The following NID1 variants were observed in gnomAD, a reference collection of about 807,000 sequenced individuals.
NID1 encodes nidogen 1, also known as nidogen-1.
In NID1, 76 loss-of-function variants were observed where a neutral mutation model predicts 130.6. The observed-to-expected ratio is 0.58, with a 90% CI of 0.48 to 0.70. The LOEUF (loss-of-function observed/expected upper bound fraction) is 0.70, where lower values mean the gene tolerates loss of function less well. NID1 is among the 30% of genes least tolerant of loss of function. The probability of loss-of-function intolerance (pLI) is 0.00; values close to 1 mark genes in which losing one functional copy is unlikely to be tolerated. For synonymous variants in NID1, 665 were observed against 675.1 expected (o/e 0.98, Z 0.23); for missense variants, 1,517 against 1,664.8 (o/e 0.91, Z 1.54).
rs560261274 is a variant in NID1, at chr1:236,038,121, C to T, written c.1268G>A (p.Arg423Lys). 1.1e-4 allele frequency: 177 copies of T among 1,600,404 alleles called. 3 individuals are homozygous for T. The South Asian group carries it at 1.4e-3, about 12-fold the overall frequency. ...CAAATTACCTTCTGCAACACATTGC[C>T]TGCCATTGCCCGTATAGCCAGCGAC... Reference protein sequence around the residue: ...SCVAGYTGNGRQCVAEGSPQR... With the variant: ...SCVAGYTGNGKQCVAEGSPQR... Residue 423 changes from arginine (R) to lysine (K), a missense_variant, in exon 5 of 20, where the codon AGG (arginine) becomes AAG (lysine). Arg to Lys is a conservative substitution (Grantham distance 26, BLOSUM62 2). Transcript: ENST00000264187.
At chr1:235,996,559 A>G (rs973558561) in intron 12 of NID1, among the ~76,000 whole-genome samples, 25 of 151,768 alleles carry the variant, frequency 1.6e-4, no homozygotes, top group African/African-American at 6.1e-4. Context: ...CTCCCACCTC[A>G]GCCTCCTGAG....
chr1:235,983,597 C>T (rs547542652), intron 15 of NID1, among the ~76,000 whole-genome samples: 2 of 152,236 alleles, frequency 1.3e-5, no homozygotes, highest in Admixed American at 6.5e-5. Flanking sequence ...TTGCGAGGCA[C>T]CTGGAGGAAG....
intron 12 of NID1, among the ~76,000 whole-genome samples, chr1:236,010,452 C>T (rs1658375209): frequency 6.6e-6 from 1 of 152,020 alleles, no homozygotes; most frequent in Non-Finnish European, 1.5e-5. Flanking sequence ...TGTGCCACAC[C>T]ACACCCAGCT....
At position 235,993,887 on chromosome 1, in the gene NID1, G is replaced by C. The variant is rs1213860460; in HGVS notation, c.2528-15C>G. The stretch of plus-strand genomic sequence containing the variant: ...TTTCTCCACCTCTATCAGAGAAACA[G>C]GCAACAAGAAAGCTGTCAGGTGCGT... On this transcript the variant is annotated splice_polypyrimidine_tract_variant and intron_variant, in intron 12 of 19. Coordinates refer to ENST00000264187, the MANE Select transcript of NID1 (RefSeq NM_002508.3). The C allele has an allele frequency of 1.9e-6, 3 of 1,599,938 alleles. No homozygotes were observed.
At chr1:236,020,509 A>G (rs1027427695) in intron 9 of NID1, among the ~76,000 whole-genome samples, 3 of 152,202 alleles carry the variant, frequency 2.0e-5, no homozygotes, top group African/African-American at 4.8e-5. Context: ...CCATCCTGCC[A>G]TGGACCAGAG....
At chr1:235,984,086 A>G (rs1478597713) in intron 15 of NID1, among the ~76,000 whole-genome samples, 1 of 152,142 alleles carries the variant, frequency 6.6e-6, no homozygotes, top group Admixed American at 6.5e-5. Context: ...TTTGCTTGGA[A>G]TGCTTCTTAC....
Position 236,032,348 on chromosome 1 carries a change from C to T in NID1, c.1537+53G>A, listed in dbSNP as rs541448231. 18 of 1,586,696 alleles carry T rather than the reference C, an allele frequency of 1.1e-5. No homozygotes were observed. The Admixed American group carries it at 3.1e-4, about 27-fold the overall frequency. The stretch of plus-strand genomic sequence containing the variant: ...TCTCCTTCCATCCATCCCCAGGCCT[C>T]CCCCTAGGCACTACTGTGTGACCCA... On this transcript the variant is annotated intron_variant, in intron 6 of 19. Coordinates refer to ENST00000264187, the MANE Select transcript of NID1 (RefSeq NM_002508.3).
intron 10 of NID1, among the ~76,000 whole-genome samples, chr1:236,016,931 GT>G (rs1396090008): frequency 6.6e-6 from 1 of 152,184 alleles, no homozygotes; most frequent in East Asian, 1.9e-4. Context: ...TGAGGCGATG[GT>G]ATTACTAGTG....
intron 15 of NID1, 112 bp downstream of exon 15, chr1:235,985,267 T>G: frequency 1.6e-5 from 18 of 1,120,040 alleles, no homozygotes; most frequent in East Asian, 7.2e-5. Flanking sequence ...AACAAAAGAC[T>G]GAGAAATGTT....
At position 236,040,767 on chromosome 1, in the gene NID1, G is replaced by A. The variant is rs150991454; in HGVS notation, c.1135+1143C>T. 1.9e-3 allele frequency among the ~76,000 whole-genome samples: 283 copies of A among 150,614 alleles called. 2 individuals carry two copies. The highest frequency in any genetic ancestry group is 6.6e-3 in the African/African-American group (270 of 40,978). ...CAACCTCCACCTCTCAGGTTCGAGC[G>A]ATTCTCTGGCCTCAGCCTCCAGATT... On this transcript the variant is annotated intron_variant, in intron 4 of 19. Coordinates refer to ENST00000264187, the MANE Select transcript of NID1 (RefSeq NM_002508.3).
chr1:236,058,212 T>A (rs1659946363), intron 1 of NID1, among the ~76,000 whole-genome samples: 1 of 152,220 alleles, frequency 6.6e-6, no homozygotes, highest in African/African-American at 2.4e-5. Context: ...TGTTGAGCAA[T>A]GTAAATATTT....
intron 15 of NID1, among the ~76,000 whole-genome samples, chr1:235,983,693 A>C (rs993709701): frequency 2.0e-5 from 3 of 152,172 alleles, no homozygotes; most frequent in African/African-American, 7.2e-5. Context: ...CCTCTCCCTC[A>C]ACTCAAAATA....
chr1:235,980,165 T>C (rs574847647), intron 17 of NID1, among the ~76,000 whole-genome samples: 7 of 152,174 alleles, frequency 4.6e-5, no homozygotes, highest in Non-Finnish European at 8.8e-5. Context: ...TAATGTAAGT[T>C]GTGAATTGCT....
At chr1:236,011,889 G>A (rs371687685) in intron 12 of NID1, 32 bp downstream of exon 12, 61 of 1,611,856 alleles carry the variant, frequency 3.8e-5, no homozygotes, top group Non-Finnish European at 4.1e-5. Context: ...CAGGGCAATG[G>A]GCTACCGACT....
chr1:236,043,490 G>A (rs937873663), intron 3 of NID1, among the ~76,000 whole-genome samples: 2 of 152,114 alleles, frequency 1.3e-5, no homozygotes, highest in South Asian at 2.1e-4. Flanking sequence ...CATTGCAGAC[G>A]TGGTTTTTTA....
At chr1:236,004,045 A>AC (rs1330191876) in intron 12 of NID1, among the ~76,000 whole-genome samples, 18 of 151,356 alleles carry the variant, frequency 1.2e-4, no homozygotes, top group Non-Finnish European at 2.5e-4. Flanking sequence ...AAAAAAAAAA[A>AC]AAAACAAGAA....
At chr1:236,062,381 T>TTA (rs1660062981) in intron 1 of NID1, among the ~76,000 whole-genome samples, 2 of 152,180 alleles carry the variant, frequency 1.3e-5, no homozygotes, top group Non-Finnish European at 2.9e-5. Context: ...ATGCCTGTAA[T>TTA]CCCAACACTT....
chr1:236,013,651 C>T, intron 10 of NID1, 91 bp from the exon 11 acceptor site: 2 of 1,483,618 alleles, frequency 1.3e-6, no homozygotes, highest in Non-Finnish European at 1.9e-6. Context: ...AGAGACCATG[C>T]CTGGACCCTA....
intron 4 of NID1, among the ~76,000 whole-genome samples, chr1:236,038,651 T>A (rs1028258532): frequency 1.3e-5 from 2 of 148,954 alleles, no homozygotes; most frequent in African/African-American, 4.9e-5. Context: ...TTAAAATATA[T>A]ATTAAAACAT....
Sources: gnomAD v4.1 joint callset for allele counts (sites outside exome capture counted in the v4.1 genomes callset) on GRCh38, gnomAD v4.1.1 for gene constraint, MANE v1.5 for transcripts, NCBI Gene and HGNC (gene_info 2026-07-23, HGNC 2026-07-21) for gene names.